DOCK8: variants seen among roughly 807,000 people sequenced by gnomAD.
DOCK8 encodes the protein dedicator of cytokinesis protein 8.
DOCK8 carries 141 observed loss-of-function variants against 245.6 expected under a neutral mutation model. The observed-to-expected ratio is 0.57, with a 90% CI of 0.50 to 0.66. DOCK8 has a LOEUF of 0.66. Among genes scored for constraint, DOCK8 ranks in the 30% least tolerant of loss-of-function variants. The pLI is 0.00. For synonymous variants in DOCK8, 1,168 were observed against 970.2 expected (o/e 1.20, Z -3.79); for missense variants, 2,965 against 2,603.4 (o/e 1.14, Z -3.02).
At chr9:407,180 C>G in intron 28 of DOCK8, 111 bp downstream of exon 28, 3 of 1,495,606 alleles carry the variant, frequency 2.0e-6, no homozygotes, top group Admixed American at 1.9e-5. Flanking sequence ...TGTAGTTGAC[C>G]AGTTCTGAGG....
chr9:220,794 C>T (rs2046866176), intron 1 of DOCK8: 2 of 373,926 alleles, frequency 5.3e-6, no homozygotes, highest in Non-Finnish European at 1.0e-5. Flanking sequence ...CATCTCGGCT[C>T]ACTGCAACCT....
In DOCK8 at chr9:359,922, G is replaced by A. The variant is rs191628826; in HGVS notation, c.1680-8096G>A. Among the ~76,000 whole-genome samples the A allele has an allele frequency of 3.2e-3, 482 of 152,072 alleles. 2 individuals carry two copies. The highest frequency in any genetic ancestry group is 0.011 in the African/African-American group (461 of 41,496). On this transcript the variant is annotated intron_variant, in intron 14 of 47. Transcript: ENST00000432829. Reference sequence around the variant, plus strand: ...GAAAGAGCTTATTTAGAAAAACAGAGCTTTTTATGTATAAACCTGTTTCAT... The same window carrying A: ...GAAAGAGCTTATTTAGAAAAACAGAACTTTTTATGTATAAACCTGTTTCAT...
intron 23 of DOCK8, among the ~76,000 whole-genome samples, chr9:387,803 A>G (rs2054017424): frequency 6.6e-6 from 1 of 152,238 alleles, no homozygotes; most frequent in Non-Finnish European, 1.5e-5. Flanking sequence ...TATAGGTATT[A>G]TACCATTTTC....
At chr9:245,833 A>G (rs1433892001) in intron 1 of DOCK8, among the ~76,000 whole-genome samples, 1 of 152,250 alleles carries the variant, frequency 6.6e-6, no homozygotes. Flanking sequence ...ACCAAGATGT[A>G]GATGCTAAAA....
chr9:376,950 C>T (rs775577180), intron 19 of DOCK8, 27 bp from the exon 20 acceptor site: 5 of 1,600,154 alleles, frequency 3.1e-6, no homozygotes, highest in Non-Finnish European at 2.6e-6. Flanking sequence ...TATAAAACCC[C>T]ATGAGGCCTG....
intron 2 of DOCK8, among the ~76,000 whole-genome samples, chr9:283,882 A>G (rs116737352): frequency 1.4e-3 from 211 of 152,328 alleles, no homozygotes; most frequent in Middle Eastern, 6.8e-3. Context: ...CATTTTGTAT[A>G]TGTAAATATG....
upstream of DOCK8, chr9:214,093 T>C (rs563913704): frequency 1.0e-5 from 2 of 193,424 alleles, no homozygotes; most frequent in South Asian, 8.3e-5. Context: ...CGAGTATATA[T>C]AGCACAGGTT....
intron 24 of DOCK8, among the ~76,000 whole-genome samples, chr9:393,606 G>C (rs7030215): frequency 6.6e-6 from 1 of 152,112 alleles, no homozygotes; most frequent in African/African-American, 2.4e-5. Flanking sequence ...CTAGGGCTTC[G>C]TTGGCCCAGG....
chr9:263,588 CT>C (rs1436188399), intron 1 of DOCK8, among the ~76,000 whole-genome samples: 1 of 152,130 alleles, frequency 6.6e-6, no homozygotes, highest in African/African-American at 2.4e-5. Context: ...TTTGGGATTG[CT>C]TTTCTTCTGC....
At chr9:327,978 T>A (rs1419163038) in intron 8 of DOCK8, 44 bp from the exon 9 acceptor site, 2 of 1,587,680 alleles carry the variant, frequency 1.3e-6, no homozygotes, top group African/African-American at 2.7e-5. Context: ...AAACCATGAA[T>A]GCAACAGGTC....
chr9:240,907 AG>A (rs537202916), intron 1 of DOCK8, among the ~76,000 whole-genome samples: 2 of 151,876 alleles, frequency 1.3e-5, no homozygotes, highest in Non-Finnish European at 2.9e-5. Context: ...GAACTGAGTG[AG>A]ACTATGTGGA....
intron 12 of DOCK8, among the ~76,000 whole-genome samples, chr9:337,231 G>A (rs2051356086): frequency 1.3e-5 from 2 of 152,112 alleles, no homozygotes; most frequent in South Asian, 2.1e-4. Flanking sequence ...TCAAACCACA[G>A]CATTCACAAA....
chr9:326,241 A>G (rs974450703), intron 8 of DOCK8, among the ~76,000 whole-genome samples: 3 of 152,222 alleles, frequency 2.0e-5, no homozygotes, highest in African/African-American at 7.2e-5. Flanking sequence ...TGTGACTCCT[A>G]GAAGAGGACA....
rs771782111 is a variant in DOCK8 at position 441,404 on chromosome 9, G to T, written c.5342G>T (p.Ser1781Ile). 2 of 1,614,194 alleles carry T rather than the reference G, an allele frequency of 1.2e-6. No homozygotes were observed. The highest frequency in any genetic ancestry group is 1.7e-6 in the Non-Finnish European group (2 of 1,180,030). The change falls in exon 41 of 48, where the codon AGC becomes ATC. Residue 1781 changes from serine to isoleucine, a missense_variant. By Grantham distance (142) the Ser-to-Ile change is moderately radical. Transcript: ENST00000432829. The part of the protein sequence containing the change: ...THSKLQRAFD[S>I]IVNKDHKRMF... ...AGCAAGCTGCAGAGAGCCTTCGACA[G>T]CATCGTTAACAAGGTAGCCGGGGAG...
chr9:379,387 ACT>A (rs1187356229), intron 20 of DOCK8, among the ~76,000 whole-genome samples: 1 of 151,914 alleles, frequency 6.6e-6, no homozygotes, highest in Non-Finnish European at 1.5e-5. Flanking sequence ...TGATTAATAC[ACT>A]CTCTGGGGTG....
intron 46 of DOCK8, among the ~76,000 whole-genome samples, chr9:457,640 T>C (rs904545447): frequency 2.0e-5 from 3 of 152,230 alleles, no homozygotes; most frequent in African/African-American, 7.2e-5. Flanking sequence ...CCCACAGGTA[T>C]GTGACTGGAC....
chr9:214,744 C>G, upstream of DOCK8: 1 of 1,522,148 alleles, frequency 6.6e-7, no homozygotes, highest in Non-Finnish European at 8.8e-7. Flanking sequence ...CCCTCCTCGC[C>G]CGCCGCTGCC....
chr9:215,260 G>T, intron 1 of DOCK8: 1 of 1,602,272 alleles, frequency 6.2e-7, no homozygotes, highest in South Asian at 1.1e-5. Context: ...GGTGCTCCTG[G>T]ATGTCCTCAG....
intron 1 of DOCK8, among the ~76,000 whole-genome samples, chr9:271,373 C>T (rs894321123): frequency 6.6e-6 from 1 of 152,022 alleles, no homozygotes; most frequent in African/African-American, 2.4e-5. Flanking sequence ...AGTCCTCCTT[C>T]TGTCATCATC....
Sources: allele counts gnomAD v4.1 joint callset (sites outside exome capture counted in the v4.1 genomes callset), GRCh38; gene constraint gnomAD v4.1.1; transcripts MANE v1.5; gene names NCBI Gene and HGNC (gene_info 2026-07-23, HGNC 2026-07-21).